The following ZZEF1 variants were observed in gnomAD, a reference collection of about 807,000 sequenced individuals.
The protein encoded by ZZEF1 is zinc finger ZZ-type and EF-hand domain containing 1.
In ZZEF1, 157 loss-of-function variants were observed where a neutral mutation model predicts 342.8. The ratio of observed to expected loss-of-function variants is 0.46; its 90% confidence interval spans 0.40 to 0.52. The LOEUF (loss-of-function observed/expected upper bound fraction) is 0.52. Among genes scored for constraint, ZZEF1 ranks in the 20% least tolerant of loss-of-function variants. The pLI, the probability that ZZEF1 is intolerant of heterozygous loss-of-function variation, is 0.00. For missense variants in ZZEF1, 3,480 were observed against 3,725.6 expected, an observed-to-expected ratio of 0.93 and a Z score of 1.72; for synonymous variants, 1,505 against 1,429.1, an observed-to-expected ratio of 1.05 and a Z score of -1.20.
intron 44 of ZZEF1, among the ~76,000 whole-genome samples, chr17:4,021,813 C>T (rs1019882581): frequency 5.3e-5 from 8 of 152,050 alleles, no homozygotes; most frequent in Non-Finnish European, 1.2e-4. Flanking sequence ...TATTTGAATA[C>T]GATGCTCATG....
At chr17:4,032,684 A>C (rs2056574584) in intron 41 of ZZEF1, 144 bp downstream of exon 41, 1 of 771,370 alleles carries the variant, frequency 1.3e-6, no homozygotes, top group Admixed American at 2.9e-5. Flanking sequence ...CAATACTTCA[A>C]TACTACAAAA....
chr17:4,034,893 G>T (rs2056627801), intron 39 of ZZEF1, among the ~76,000 whole-genome samples: 1 of 152,128 alleles, frequency 6.6e-6, no homozygotes, highest in African/African-American at 2.4e-5. Flanking sequence ...AGCTACTTGG[G>T]AGGCTGAGGT....
Position 4,085,800 on chromosome 17 carries a change from A to C in ZZEF1, c.2516T>G (p.Val839Gly). Residue 839 changes from valine (V) to glycine (G), a missense_variant, in exon 16 of 55, where the codon GTG becomes GGG. Around this residue, in one of 5 missense-constraint regions of ZZEF1, gnomAD observed 1,528 missense variants for 1,624.1 expected, o/e 0.94. Transcript: ENST00000381638. ...CACAGAGTCTCCATCCACCTTGTCC[A>C]CCACTGATAAAATGAACAATGGCAT... ...KELYTHLCDV[V>G]DKVDGDSVPM... is the part of the protein sequence containing the mutation. 1 of 1,613,982 alleles carries C rather than the reference A, an allele frequency of 6.2e-7. No homozygotes were observed. Among genetic ancestry groups the C allele is most frequent in the Non-Finnish European group, 8.5e-7 (1 of 1,179,962 alleles).
intron 1 of ZZEF1, among the ~76,000 whole-genome samples, chr17:4,132,492 A>T (rs958729464): frequency 1.9e-4 from 29 of 152,304 alleles, no homozygotes; most frequent in African/African-American, 7.0e-4. Flanking sequence ...AGGTCAGGGC[A>T]TCAAGACCAT....
intron 14 of ZZEF1, among the ~76,000 whole-genome samples, chr17:4,086,935 T>C (rs537181669): frequency 9.2e-5 from 14 of 152,252 alleles, no homozygotes; most frequent in Non-Finnish European, 1.6e-4. Context: ...CAGGCTGGAG[T>C]GCAGTGGTGT....
rs750045349 is a variant in ZZEF1, at chr17:4,016,495, G to T, written c.8002-29C>A. 6.3e-7 allele frequency: 1 copy of T among 1,583,052 alleles called. No individual in the cohort carries two copies. Among genetic ancestry groups the T allele is most frequent in the Admixed American group, 1.9e-5 (1 of 53,444 alleles). On this transcript the variant is annotated intron_variant, in intron 48 of 54. Coordinates refer to ENST00000381638, the MANE Select transcript of ZZEF1 (RefSeq NM_015113.4). This position sits in a 1 kb window ranked among gnomAD's most constrained non-coding sequence, Gnocchi z 4.4. ...GTGGGAAGCAGACAGATAAGGTCAGGGCCTGCAAGTGGCATCAGGAAGAAG... is the reference window on the plus strand; with the variant it reads ...GTGGGAAGCAGACAGATAAGGTCAGTGCCTGCAAGTGGCATCAGGAAGAAG...
chr17:4,032,952 A>G lies in ZZEF1; in HGVS notation c.6635T>C (p.Leu2212Pro). ...ACSMAEILRS[L>P]NSAPLWRDVI... ...ATCACGCCACAGTGGGGCACTGTTGAGTGACCGCAGGATCTCTGCCATGGA... is the reference window on the plus strand; with the variant it reads ...ATCACGCCACAGTGGGGCACTGTTGGGTGACCGCAGGATCTCTGCCATGGA... The change falls in exon 41 of 55, where the codon CTC becomes CCC. Residue 2212 changes from leucine (L) to proline (P), a missense_variant. Transcript: ENST00000381638. The G allele has an allele frequency of 6.2e-7, 1 of 1,607,390 alleles. No individual in the cohort carries two copies. Among genetic ancestry groups the G allele is most frequent in the Non-Finnish European group, 8.5e-7 (1 of 1,176,838 alleles).
At chr17:4,044,438 A>G (rs113720579) in intron 37 of ZZEF1, 64 bp from the exon 38 acceptor site, 42 of 1,479,700 alleles carry the variant, frequency 2.8e-5, no homozygotes, top group South Asian at 9.0e-5. Flanking sequence ...CATGATTATG[A>G]TAACTTTTTA....
intron 40 of ZZEF1, chr17:4,033,209 CTG>C (rs2145058447): frequency 4.1e-6 from 2 of 493,214 alleles, no homozygotes; most frequent in East Asian, 2.9e-5. Flanking sequence ...CACCCTACGG[CTG>C]TGTTTCCAAA....
At chr17:4,007,060 T>G (rs1461872225) in intron 54 of ZZEF1, 90 bp from the exon 55 acceptor site, 4 of 1,216,868 alleles carry the variant, frequency 3.3e-6, no homozygotes, top group Non-Finnish European at 4.6e-6. Flanking sequence ...GCACTGAGGA[T>G]GTGGGGACGG....
chr17:4,023,436 T>C (rs1431206700), intron 43 of ZZEF1, among the ~76,000 whole-genome samples: 1 of 152,090 alleles, frequency 6.6e-6, no homozygotes, highest in Non-Finnish European at 1.5e-5. Context: ...AAGACAGAAA[T>C]TATTGCTGCC....
At chr17:4,040,747 G>A (rs1455568123) in intron 39 of ZZEF1, among the ~76,000 whole-genome samples, 1 of 152,176 alleles carries the variant, frequency 6.6e-6, no homozygotes, top group East Asian at 1.9e-4. Flanking sequence ...CTGGCACAGA[G>A]CAGTTAACCA....
chr17:4,099,572 T>C (rs563544366), intron 9 of ZZEF1, among the ~76,000 whole-genome samples: 1 of 145,594 alleles, frequency 6.9e-6, no homozygotes, highest in Non-Finnish European at 1.5e-5. Flanking sequence ...TGAGACAGAG[T>C]TTTGCTCTTG....
intron 32 of ZZEF1, among the ~76,000 whole-genome samples, chr17:4,057,298 T>C (rs1402304733): frequency 6.6e-6 from 1 of 152,218 alleles, no homozygotes; most frequent in Non-Finnish European, 1.5e-5. Flanking sequence ...GTTCGTGAAC[T>C]AAAGAGACGG....
chr17:4,042,638 G>A, intron 38 of ZZEF1, 70 bp from the exon 39 acceptor site: 2 of 1,471,052 alleles, frequency 1.4e-6, no homozygotes, highest in Non-Finnish European at 9.3e-7. Flanking sequence ...GTAAACCACT[G>A]CACTGTCCCC....
Position 4,017,411 on chromosome 17 carries a change from T to A in ZZEF1, c.7961A>T (p.Asp2654Val). The change falls in exon 48 of 55, where the codon GAT becomes GTT. Residue 2654 changes from aspartate to valine, a missense_variant. Asp to Val is a radical substitution (Grantham distance 152). This residue lies in a region of ZZEF1 where 1,269 missense variants were observed against 1,342.4 expected (regional missense o/e 0.95). Transcript: ENST00000381638. The surrounding 1 kb of genome is among the most constrained non-coding windows in gnomAD (Gnocchi z 5.1). ...CTTTTCTTCCAGCTGCATGAACATATCCAAAATGTAGGTCATATGGGCAGG... is the reference window on the plus strand; with the variant it reads ...CTTTTCTTCCAGCTGCATGAACATAACCAAAATGTAGGTCATATGGGCAGG... ...SGPAHMTYIL[D>V]MFMQLEEKHE... 6.2e-7 allele frequency: 1 copy of A among 1,607,908 alleles called. No individual in the cohort carries two copies. The highest frequency in any genetic ancestry group is 8.5e-7 in the Non-Finnish European group (1 of 1,174,936).
Position 4,117,084 on chromosome 17 carries a change from C to G in ZZEF1, c.582G>C (p.Arg194=). 1 of 1,614,130 alleles carries G rather than the reference C, an allele frequency of 6.2e-7. No individual in the cohort carries two copies. The highest frequency in any genetic ancestry group is 8.5e-7 in the Non-Finnish European group (1 of 1,180,006). Residue 194 remains arginine, a synonymous_variant, in exon 3 of 55, where the codon CGG becomes CGC. Coordinates refer to ENST00000381638, the MANE Select transcript of ZZEF1 (RefSeq NM_015113.4). ...SMILRFLHRN[R]LSSAVMPYPM... ...GGTAGGGCATCACCGCGCTGGAGAG[C>G]CGATTGCGGTGCAGGAAGCGCAGTA...
intron 39 of ZZEF1, 106 bp downstream of exon 39, chr17:4,042,323 T>C (rs2056820147): frequency 2.4e-6 from 3 of 1,261,052 alleles, no homozygotes; most frequent in Non-Finnish European, 3.3e-6. Context: ...AATCCTACCC[T>C]TAAGGCTACA....
intron 11 of ZZEF1, among the ~76,000 whole-genome samples, chr17:4,092,519 TCTGACCTCAAGTC>T (rs956928412): frequency 1.3e-5 from 2 of 152,104 alleles, no homozygotes; most frequent in Non-Finnish European, 2.9e-5. Context: ...CAGGCTGGTT[TCTGACCTCAAGTC>T]CTGACCTCAA....
Sources: allele counts gnomAD v4.1 joint callset (sites outside exome capture counted in the v4.1 genomes callset), GRCh38; gene constraint gnomAD v4.1.1; regional missense constraint gnomAD v4.1.1; non-coding constraint Gnocchi (gnomAD v3.1); transcripts MANE v1.5; gene names NCBI Gene and HGNC (gene_info 2026-07-23, HGNC 2026-07-21).